The following TIAM1 variants were observed in gnomAD, a reference collection of about 807,000 sequenced individuals.
TIAM1 encodes the protein rho guanine nucleotide exchange factor TIAM1.
TIAM1 carries 65 observed loss-of-function variants against 163.5 expected under a neutral mutation model. That is an observed-to-expected ratio of 0.40 (90% CI 0.33 to 0.49). The LOEUF (loss-of-function observed/expected upper bound fraction) is 0.49, where lower values mean the gene tolerates loss of function less well. Among genes scored for constraint, TIAM1 ranks in the 20% least tolerant of loss-of-function variants. TIAM1 has a pLI of 0.77. For missense variants in TIAM1, 1,789 were observed against 2,044.7 expected (o/e 0.87, Z 2.41); for synonymous variants, 833 against 810.1 (o/e 1.03, Z -0.48).
At chr21:31,167,454 C>T (rs1364000968) in intron 15 of TIAM1, among the ~76,000 whole-genome samples, 1 of 152,148 alleles carries the variant, frequency 6.6e-6, no homozygotes, top group African/African-American at 2.4e-5. Context: ...CTACAAAACA[C>T]TTAGAAATGC....
chr21:31,376,112 G>C lies in TIAM1; in HGVS notation c.-368-36690C>G, dbSNP rs557681679. ...GTATATGCTTAAGGGCAAGCATTTC[G>C]TAAACGATACTGCCACATCCTACCC... On this transcript the variant is annotated intron_variant, in intron 2 of 28. Coordinates refer to the TIAM1 transcript ENST00000286827. Among the ~76,000 whole-genome samples, 112 of 152,180 alleles carry C rather than the reference G, an allele frequency of 7.4e-4. 1 individual carries two copies. Among genetic ancestry groups the C allele is most frequent in the African/African-American group, 2.6e-3 (110 of 41,524 alleles).
intron 2 of TIAM1, among the ~76,000 whole-genome samples, chr21:31,438,041 G>C (rs1258369604): frequency 6.6e-6 from 1 of 152,114 alleles, no homozygotes; most frequent in East Asian, 1.9e-4. Flanking sequence ...CCAAGATGAT[G>C]CTGCAGGAAT....
chr21:31,432,391 G>A (rs1051737135), intron 2 of TIAM1, among the ~76,000 whole-genome samples: 5 of 152,088 alleles, frequency 3.3e-5, no homozygotes, highest in Admixed American at 1.3e-4. Context: ...GAGCCACCAC[G>A]CCCTGCCCTT....
chr21:31,280,676 T>C (rs557143204), intron 2 of TIAM1, among the ~76,000 whole-genome samples: 1 of 152,316 alleles, frequency 6.6e-6, no homozygotes, highest in Admixed American at 6.5e-5. Flanking sequence ...GAAGTCCCAC[T>C]GCTCCACTCC....
chr21:31,318,318 TG>T (rs2075197892), intron 2 of TIAM1, among the ~76,000 whole-genome samples: 1 of 152,214 alleles, frequency 6.6e-6, no homozygotes. Flanking sequence ...TTGGCCACGC[TG>T]GTTTCGAACT....
chr21:31,235,814 AT>A (rs1355427771), intron 6 of TIAM1, among the ~76,000 whole-genome samples: 5 of 152,238 alleles, frequency 3.3e-5, no homozygotes, highest in Non-Finnish European at 5.9e-5. Context: ...CTCAACCACA[AT>A]TATACCTCTG....
chr21:31,466,716 A>G (rs969136393), intron 1 of TIAM1, among the ~76,000 whole-genome samples: 1 of 152,156 alleles, frequency 6.6e-6, no homozygotes, highest in Non-Finnish European at 1.5e-5. Context: ...GCCCAGTAAT[A>G]CCTGACACCA....
At chr21:31,128,927 G>C (rs1021849646) in intron 25 of TIAM1, among the ~76,000 whole-genome samples, 5 of 151,890 alleles carry the variant, frequency 3.3e-5, no homozygotes, top group African/African-American at 1.2e-4. Context: ...TTGGTTTTCT[G>C]AGGATCAGAT....
At chr21:31,437,876 T>C (rs2044267449) in intron 2 of TIAM1, among the ~76,000 whole-genome samples, 2 of 152,218 alleles carry the variant, frequency 1.3e-5, no homozygotes, top group South Asian at 4.1e-4. Flanking sequence ...AAATTTCAGA[T>C]ATTTCTTTAT....
chr21:31,381,317 G>A (rs1374597997), intron 2 of TIAM1, among the ~76,000 whole-genome samples: 1 of 151,864 alleles, frequency 6.6e-6, no homozygotes, highest in Non-Finnish European at 1.5e-5. Context: ...CTTATAAGAA[G>A]AGACACTACC....
chr21:31,259,629 A>ATAATAATAAT (rs112367109), intron 4 of TIAM1, among the ~76,000 whole-genome samples: 1 of 146,256 alleles, frequency 6.8e-6, no homozygotes, highest in Non-Finnish European at 1.5e-5. Context: ...TAAAAAAATA[A>ATAATAATAAT]AATAATAATA....
intron 2 of TIAM1, among the ~76,000 whole-genome samples, chr21:31,416,135 CCT>C (rs58885201): frequency 0.033 from 4,993 of 152,180 alleles, 257 homozygotes; most frequent in African/African-American, 0.12. Context: ...TCTCTTCTCC[CCT>C]CTCGCCAAAT....
At chr21:31,485,766 G>A (rs896900665) in intron 1 of TIAM1, among the ~76,000 whole-genome samples, 6 of 152,070 alleles carry the variant, frequency 3.9e-5, no homozygotes, top group Admixed American at 6.6e-5. Context: ...TGCCAACCAC[G>A]GCCAGATACT....
At chr21:31,216,686 C>T (rs1030164287) in intron 9 of TIAM1, among the ~76,000 whole-genome samples, 3 of 152,106 alleles carry the variant, frequency 2.0e-5, no homozygotes, top group East Asian at 3.9e-4. Context: ...ACACCCGTCA[C>T]GGCACCAGGC....
chr21:31,144,273 G>A (rs118073917), intron 20 of TIAM1, among the ~76,000 whole-genome samples: 3,850 of 152,262 alleles, frequency 0.025, 63 homozygotes, highest in Middle Eastern at 0.051. Flanking sequence ...GGATTTTGTG[G>A]GGCATCCCAA....
upstream of TIAM1, among the ~76,000 whole-genome samples, chr21:31,347,428 G>A (rs2076165915): frequency 6.6e-6 from 1 of 152,216 alleles, no homozygotes; most frequent in Non-Finnish European, 1.5e-5. Context: ...TAGTAGACAA[G>A]TGGGCAGTAA....
intron 6 of TIAM1, among the ~76,000 whole-genome samples, chr21:31,234,109 T>C (rs1167338022): frequency 6.6e-6 from 1 of 152,102 alleles, no homozygotes; most frequent in East Asian, 1.9e-4. Flanking sequence ...ACCAGACATT[T>C]GCTGAAAGCC....
intron 2 of TIAM1, among the ~76,000 whole-genome samples, chr21:31,433,622 C>G (rs1160437993): frequency 6.6e-6 from 1 of 152,074 alleles, no homozygotes; most frequent in Non-Finnish European, 1.5e-5. Context: ...AGGATTGATC[C>G]CTTGGAGGCT....
At chr21:31,204,977 T>C (rs143910198) in intron 11 of TIAM1, among the ~76,000 whole-genome samples, 111 of 152,342 alleles carry the variant, frequency 7.3e-4, no homozygotes, top group Non-Finnish European at 1.4e-3. Context: ...GTCCTTTCAC[T>C]GCCTATATTT....
Sources: allele counts gnomAD v4.1 joint callset (sites outside exome capture counted in the v4.1 genomes callset), GRCh38; gene constraint gnomAD v4.1.1; transcripts MANE v1.5; gene names NCBI Gene and HGNC (gene_info 2026-07-23, HGNC 2026-07-21).